The following SYT6 variants were observed in gnomAD, a reference collection of about 807,000 sequenced individuals.
SYT6 encodes the protein synaptotagmin-6.
In SYT6, 24 loss-of-function variants were observed where a neutral mutation model predicts 38.4. The observed-to-expected ratio is 0.62, with a 90% CI of 0.45 to 0.88. The LOEUF is 0.88. SYT6 is among the 40% of genes least tolerant of loss of function. The pLI, the probability that SYT6 is intolerant of heterozygous loss-of-function variation, is 0.00. For synonymous variants in SYT6, 265 were observed against 241.9 expected, an observed-to-expected ratio of 1.10 and a Z score of -0.89; for missense variants, 611 against 621.0, an observed-to-expected ratio of 0.98 and a Z score of 0.17.
At chr1:114,119,048 C>T (rs1471811160) in intron 3 of SYT6, among the ~76,000 whole-genome samples, 3 of 152,214 alleles carry the variant, frequency 2.0e-5, no homozygotes, top group African/African-American at 2.4e-5. Context: ...AGGTGGGAAT[C>T]GGGTCGGCCT....
At chr1:114,116,339 A>T (rs79821840) in intron 3 of SYT6, among the ~76,000 whole-genome samples, 1 of 152,126 alleles carries the variant, frequency 6.6e-6, no homozygotes, top group Non-Finnish European at 1.5e-5. Flanking sequence ...CTTGTCCCCA[A>T]CGCGGCAGTT....
chr1:114,141,212 C>T (rs1354012466), intron 1 of SYT6, among the ~76,000 whole-genome samples: 7 of 152,136 alleles, frequency 4.6e-5, no homozygotes, highest in Admixed American at 6.5e-5. Flanking sequence ...AGGCCAAAAG[C>T]GAGGCATTTT....
At chr1:114,096,027 C>A (rs149205380) in intron 6 of SYT6, among the ~76,000 whole-genome samples, 85 of 152,248 alleles carry the variant, frequency 5.6e-4, no homozygotes, top group African/African-American at 1.9e-3. Flanking sequence ...ATGCCCTCCC[C>A]CTAAGCCACC....
At chr1:114,095,423 C>A (rs920434018) in intron 6 of SYT6, among the ~76,000 whole-genome samples, 2 of 152,208 alleles carry the variant, frequency 1.3e-5, no homozygotes, top group Admixed American at 6.5e-5. Flanking sequence ...ACTCAACACC[C>A]CACCCCCAGC....
At chr1:114,147,640 T>C (rs765060189) in intron 1 of SYT6, among the ~76,000 whole-genome samples, 2 of 152,180 alleles carry the variant, frequency 1.3e-5, no homozygotes, top group Non-Finnish European at 2.9e-5. Context: ...ACATCTCAGG[T>C]GGGCGGCAGT....
intron 3 of SYT6, among the ~76,000 whole-genome samples, chr1:114,111,307 C>T (rs980122791): frequency 6.6e-6 from 1 of 152,162 alleles, no homozygotes; most frequent in African/African-American, 2.4e-5. Flanking sequence ...TGGGAGATGG[C>T]TACTACTATT....
chr1:114,092,082 A>C lies in SYT6; in HGVS notation c.*52T>G. 1 of 1,536,254 alleles carries C rather than the reference A, an allele frequency of 6.5e-7. No individual in the cohort carries two copies. Among genetic ancestry groups the C allele is most frequent in the Non-Finnish European group, 8.7e-7 (1 of 1,146,874 alleles). ...TCGAAGCTAGCAGCTCGGCCCTGCC[A>C]CTGCAAAGAGGAGAACAATCTGTTT... On this transcript the variant is annotated splice_region_variant and 3_prime_UTR_variant, in exon 8 of 8. Coordinates refer to ENST00000610222, the MANE Select transcript of SYT6 (RefSeq NM_001253772.2).
In SYT6 at chr1:114,139,674, C is replaced by T. The variant is rs548201128; in HGVS notation, c.453G>A (p.Glu151=). ...GCAGCCGGGTGTGACGCATGATGTG[C>T]TCCTTGACCGACATCTGCACCTCAG... ...IPAEVQMSVK[E]HIMRHTRLQR... Residue 151 remains glutamate (E), a synonymous_variant, in exon 2 of 8, where the codon GAG becomes GAA. Transcript: ENST00000610222. 4 of 1,614,006 alleles carry T rather than the reference C, an allele frequency of 2.5e-6. No individual in the cohort carries two copies. The highest frequency in any genetic ancestry group is 1.3e-5 in the African/African-American group (1 of 74,966).
chr1:114,137,129 G>A (rs893464325), intron 3 of SYT6, among the ~76,000 whole-genome samples: 10 of 152,150 alleles, frequency 6.6e-5, no homozygotes, highest in African/African-American at 2.4e-4. Flanking sequence ...CAAAATCCTC[G>A]GACTGTTTGC....
intron 1 of SYT6, among the ~76,000 whole-genome samples, chr1:114,148,468 C>T (rs542580255): frequency 3.9e-5 from 6 of 152,196 alleles, no homozygotes; most frequent in African/African-American, 1.2e-4. Context: ...CCCTCAGAAA[C>T]GGTCAGTGCT....
chr1:114,126,000 G>GTATAGTATAT (rs1677707561), intron 3 of SYT6, among the ~76,000 whole-genome samples: 1 of 152,122 alleles, frequency 6.6e-6, no homozygotes, highest in Non-Finnish European at 1.5e-5. Flanking sequence ...ACAGTATAGA[G>GTATAGTATAT]AGGCTCACAG....
intron 2 of SYT6, among the ~76,000 whole-genome samples, chr1:114,138,775 A>T (rs1166102120): frequency 1.3e-5 from 2 of 152,240 alleles, no homozygotes; most frequent in Non-Finnish European, 2.9e-5. Flanking sequence ...CACAACTGCC[A>T]TATAAAAGTC....
chr1:114,128,857 C>T (rs751373505), intron 3 of SYT6, among the ~76,000 whole-genome samples: 22 of 152,168 alleles, frequency 1.4e-4, no homozygotes, highest in Non-Finnish European at 2.5e-4. Flanking sequence ...TGTTCCTTTC[C>T]TCTTTTCTAT....
At chr1:114,094,603 C>T (rs1047426527) in intron 6 of SYT6, among the ~76,000 whole-genome samples, 2 of 152,100 alleles carry the variant, frequency 1.3e-5, no homozygotes, top group African/African-American at 4.8e-5. Context: ...AATTTGTTCC[C>T]CTCAGCCTTA....
chr1:114,146,585 A>T (rs1038253495), intron 1 of SYT6, among the ~76,000 whole-genome samples: 1 of 152,204 alleles, frequency 6.6e-6, no homozygotes, highest in Admixed American at 6.5e-5. Context: ...GTGCTCTTCC[A>T]ATTTACACCA....
intron 3 of SYT6, among the ~76,000 whole-genome samples, chr1:114,105,283 C>G (rs1258520141): frequency 6.6e-6 from 1 of 151,716 alleles, no homozygotes; most frequent in African/African-American, 2.4e-5. Flanking sequence ...GAGCCACCCT[C>G]TCCTGGAGAC....
intron 3 of SYT6, among the ~76,000 whole-genome samples, chr1:114,104,447 A>G (rs1676159021): frequency 1.3e-5 from 2 of 152,198 alleles, no homozygotes. Context: ...AGAGAACAGG[A>G]AAACCTCAAA....
chr1:114,131,863 G>A (rs943154751), intron 3 of SYT6, among the ~76,000 whole-genome samples: 1 of 152,206 alleles, frequency 6.6e-6, no homozygotes, highest in Non-Finnish European at 1.5e-5. Context: ...CAGATTTTGA[G>A]ATGAGTGAGA....
At chr1:114,117,766 G>A (rs1046281748) in intron 3 of SYT6, among the ~76,000 whole-genome samples, 1 of 152,216 alleles carries the variant, frequency 6.6e-6, no homozygotes, top group Non-Finnish European at 1.5e-5. Flanking sequence ...TCAAATCCCG[G>A]TTCTGCTGCG....
Sources: gnomAD v4.1 joint callset for allele counts (sites outside exome capture counted in the v4.1 genomes callset) on GRCh38, gnomAD v4.1.1 for gene constraint, MANE v1.5 for transcripts, NCBI Gene and HGNC (gene_info 2026-07-23, HGNC 2026-07-21) for gene names.